GARNL3: variants seen among roughly 807,000 people sequenced by gnomAD.
GARNL3 encodes the protein GTPase activating Rap/RanGAP domain like 3, also known as GTPase-activating Rap/Ran-GAP domain-like protein 3.
Under a neutral mutation model 125.0 loss-of-function variants are expected in GARNL3, and 63 were observed. That is an observed-to-expected ratio of 0.50 (90% CI 0.41 to 0.62). GARNL3 has a LOEUF of 0.62. GARNL3 is among the 20% of genes least tolerant of loss of function. GARNL3 has a pLI of 0.00. For missense variants in GARNL3, 994 were observed against 1,244.0 expected (o/e 0.80, Z 3.02); for synonymous variants, 439 against 457.5 (o/e 0.96, Z 0.52).
intron 15 of GARNL3, among the ~76,000 whole-genome samples, chr9:127,344,594 G>A (rs954490678): frequency 2.0e-5 from 3 of 152,192 alleles, no homozygotes; most frequent in Non-Finnish European, 4.4e-5. Context: ...ACAGGGCCCA[G>A]CTCTGGGCCC....
At chr9:127,259,345 C>A (rs987591113), upstream of GARNL3, among the ~76,000 whole-genome samples, 1 of 152,198 alleles carries the variant, frequency 6.6e-6, no homozygotes, top group South Asian at 2.1e-4. Flanking sequence ...AGCATCCTCA[C>A]ATGTTAAATT....
intron 17 of GARNL3, among the ~76,000 whole-genome samples, chr9:127,352,667 G>T (rs1157923824): frequency 1.3e-5 from 2 of 152,172 alleles, no homozygotes; most frequent in South Asian, 4.1e-4. Context: ...CTTAGTCTGT[G>T]TTCTGACAAA....
intron 9 of GARNL3, among the ~76,000 whole-genome samples, chr9:127,334,514 C>T (rs1006919081): frequency 2.0e-5 from 3 of 152,126 alleles, no homozygotes; most frequent in African/African-American, 7.2e-5. Context: ...TGTCAGGTTC[C>T]AGCTTCACTC....
rs771696173 is a variant in GARNL3 at position 127,311,622 on chromosome 9, T to A, written c.220-14T>A. 6 of 1,592,524 alleles carry A rather than the reference T, an allele frequency of 3.8e-6. No individual in the cohort carries two copies. The South Asian group carries it at 4.4e-5, about 12-fold the overall frequency. ...GAATAAGCCTCTTAATGTCACAACT[T>A]TGTTCCATTACAGAATGCAACTGCC... On this transcript the variant is annotated splice_polypyrimidine_tract_variant and intron_variant, in intron 2 of 27. Coordinates refer to ENST00000373387, the MANE Select transcript of GARNL3 (RefSeq NM_032293.5).
intron 7 of GARNL3, among the ~76,000 whole-genome samples, chr9:127,329,748 C>G (rs1829112769): frequency 1.3e-5 from 2 of 152,042 alleles, no homozygotes; most frequent in Admixed American, 1.3e-4. Context: ...GTCAGAAGAC[C>G]CAAGTTCCAG....
chr9:127,365,111 C>T, intron 21 of GARNL3, 189 bp from the exon 22 acceptor site: 2 of 516,074 alleles, frequency 3.9e-6, no homozygotes, highest in South Asian at 3.4e-5. Context: ...CTTTTCTTTT[C>T]TTTCTCACTT....
chr9:127,383,661 G>C, intron 23 of GARNL3, 116 bp downstream of exon 23: 8 of 609,676 alleles, frequency 1.3e-5, no homozygotes, highest in Non-Finnish European at 2.0e-5. Flanking sequence ...TAAATTATAC[G>C]CGTATGATGA....
intron 4 of GARNL3, among the ~76,000 whole-genome samples, 197 bp downstream of exon 4, chr9:127,313,756 A>AG (rs1387847905): frequency 2.2e-5 from 3 of 138,040 alleles, no homozygotes; most frequent in African/African-American, 9.8e-5. Flanking sequence ...TGGCCTTTTG[A>AG]AAAAAAAAAA....
At chr9:127,271,669 T>C (rs2063827704) in intron 1 of GARNL3, among the ~76,000 whole-genome samples, 1 of 150,222 alleles carries the variant, frequency 6.7e-6, no homozygotes, top group Non-Finnish European at 1.5e-5. Flanking sequence ...TATTGATCTT[T>C]TTTTGGCCTT....
At chr9:127,365,659 G>A (rs549855398) in intron 22 of GARNL3, among the ~76,000 whole-genome samples, 4 of 152,218 alleles carry the variant, frequency 2.6e-5, no homozygotes, top group African/African-American at 4.8e-5. Context: ...TGCCGTGCTC[G>A]GTATGCTGTG....
chr9:127,365,658 C>CA, intron 22 of GARNL3, among the ~76,000 whole-genome samples: 1 of 152,086 alleles, frequency 6.6e-6, no homozygotes, highest in East Asian at 1.9e-4. Flanking sequence ...GTGCCGTGCT[C>CA]GGTATGCTGT....
intron 2 of GARNL3, among the ~76,000 whole-genome samples, chr9:127,251,096 A>G (rs2063393593): frequency 6.6e-6 from 1 of 152,200 alleles, no homozygotes; most frequent in Non-Finnish European, 1.5e-5. Context: ...ATAAGGGCAC[A>G]CTATAAATAG....
chr9:127,318,155 A>T, intron 5 of GARNL3, 28 bp downstream of exon 5: 3 of 1,394,204 alleles, frequency 2.2e-6, no homozygotes, highest in Non-Finnish European at 1.0e-6. Flanking sequence ...GAAACCCCAC[A>T]CATGGATTTG....
At chr9:127,305,051 C>T (rs980473236) in intron 2 of GARNL3, among the ~76,000 whole-genome samples, 20 of 152,116 alleles carry the variant, frequency 1.3e-4, no homozygotes, top group African/African-American at 2.9e-4. Flanking sequence ...ATTTCATTTT[C>T]GTAACGCTCA....
chr9:127,349,508 A>G (rs1158331499), intron 17 of GARNL3, among the ~76,000 whole-genome samples: 2 of 152,246 alleles, frequency 1.3e-5, no homozygotes, highest in African/African-American at 4.8e-5. Flanking sequence ...TATAGAAACA[A>G]AAAGATTTTG....
At chr9:127,263,743 A>T, upstream of GARNL3, 2 of 1,199,114 alleles carry the variant, frequency 1.7e-6, no homozygotes, top group Non-Finnish European at 2.1e-6. Flanking sequence ...TTTTCAGCTA[A>T]GAGAGGGAGG....
At chr9:127,263,336 T>C (rs981781160), upstream of GARNL3, among the ~76,000 whole-genome samples, 13 of 152,196 alleles carry the variant, frequency 8.5e-5, no homozygotes, top group African/African-American at 1.2e-4. Flanking sequence ...TGTTAGAAGC[T>C]GTTGCTGTTG....
intron 1 of GARNL3, among the ~76,000 whole-genome samples, chr9:127,231,240 T>A (rs903784409): frequency 7.2e-6 from 1 of 138,228 alleles, no homozygotes; most frequent in African/African-American, 2.8e-5. Flanking sequence ...TTTTTTTTTT[T>A]TTTTTGTATT....
chr9:127,349,057 C>T (rs777635364), intron 17 of GARNL3, 22 bp downstream of exon 17: 8 of 1,515,808 alleles, frequency 5.3e-6, no homozygotes, highest in African/African-American at 1.4e-5. Context: ...GCTGCTCCTA[C>T]AAATGTCTTT....
Sources: gnomAD v4.1 joint callset for allele counts (sites outside exome capture counted in the v4.1 genomes callset) on GRCh38, gnomAD v4.1.1 for gene constraint, MANE v1.5 for transcripts, NCBI Gene and HGNC (gene_info 2026-07-23, HGNC 2026-07-21) for gene names.